Variants in KLC3 observed in about 807,000 individuals in gnomAD.
KLC3 encodes kinesin light chain 2.
A neutral mutation model predicts 62.9 loss-of-function variants in KLC3; 72 were observed. The ratio of observed to expected loss-of-function variants is 1.15; its 90% CI spans 0.95 to 1.39. The LOEUF (loss-of-function observed/expected upper bound fraction) is 1.39. Ranked by LOEUF, KLC3 falls within the 40% of genes most tolerant of loss-of-function variation. KLC3 has a pLI of 0.00. For synonymous variants in KLC3, 377 were observed against 300.5 expected, an observed-to-expected ratio of 1.25 and a Z score of -2.63; for missense variants, 848 against 691.6, an observed-to-expected ratio of 1.23 and a Z score of -2.54.
At chr19:45,341,936 G>T (rs1782757127) in intron 1 of KLC3, among the ~76,000 whole-genome samples, 1 of 152,018 alleles carries the variant, frequency 6.6e-6, no homozygotes, top group African/African-American at 2.4e-5. Context: ...GTGACAGGAT[G>T]GAAAAGGGGG....
intron 1 of KLC3, among the ~76,000 whole-genome samples, chr19:45,342,991 C>G (rs1393727482): frequency 6.6e-6 from 1 of 152,180 alleles, no homozygotes; most frequent in Non-Finnish European, 1.5e-5. Context: ...CGTGGCATCC[C>G]TCCACGCGTA....
Position 45,345,563 on chromosome 19 carries a change from C to G in KLC3, c.22C>G (p.Pro8Ala), listed in dbSNP as rs959227782. ...AGCAATGTCTGTGCAGGTAGCGGCT[C>G]CTGGAAGTGCAGGGCTGGGCCCAGA... is the stretch of plus-strand genomic sequence containing the variant. Reference protein sequence around the residue: MSVQVAAPGSAGLGPERL... With the variant: MSVQVAAAGSAGLGPERL... Residue 8 changes from proline to alanine, a missense_variant, in exon 2 of 13, where the codon CCT (proline) becomes GCT (alanine). Pro to Ala is a conservative substitution (Grantham distance 27). Transcript: ENST00000391946. 2 of 1,565,768 alleles carry G rather than the reference C, an allele frequency of 1.3e-6. No individual in the cohort carries two copies. Among genetic ancestry groups the G allele is most frequent in the African/African-American group, 2.7e-5 (2 of 73,882 alleles).
intron 1 of KLC3, among the ~76,000 whole-genome samples, chr19:45,341,221 CGTGT>C (rs750307403): frequency 1.6e-4 from 23 of 141,010 alleles, no homozygotes; most frequent in Middle Eastern, 7.7e-3. Context: ...TGTGGCTTTG[CGTGT>C]GTGTAAGAGA....
rs758846386 is a variant in KLC3, at chr19:45,350,964, G to C, written c.1390G>C (p.Ala464Pro). 1.2e-6 allele frequency: 2 copies of C among 1,614,132 alleles called. No individual in the cohort carries two copies. The highest frequency in any genetic ancestry group is 2.2e-5 in the South Asian group (2 of 91,090). The change falls in exon 12 of 13, where the codon GCC (alanine) becomes CCC (proline). Residue 464 changes from alanine to proline, a missense_variant. Physicochemically the swap from Ala to Pro is conservative, Grantham distance 27. Transcript: ENST00000391946. Reference sequence around the variant, plus strand: ...CTGCCCTCTTTGCAGAATGAAGAGAGCCATGTCACTCAACACACTGAACGT... The same window carrying C: ...CTGCCCTCTTTGCAGAATGAAGAGACCCATGTCACTCAACACACTGAACGT... ...AAAGAAGMKR[A>P]MSLNTLNVDA...
At chr19:45,351,130 T>A (rs140206614) in intron 12 of KLC3, 113 bp downstream of exon 12, 1 of 1,603,078 alleles carries the variant, frequency 6.2e-7, no homozygotes, top group African/African-American at 1.3e-5. Flanking sequence ...TGGGTTGGTG[T>A]CAGAAGAGAC....
At chr19:45,348,977 A>G (rs1189894967) in intron 7 of KLC3, 56 bp downstream of exon 7, 2 of 1,434,376 alleles carry the variant, frequency 1.4e-6, no homozygotes, top group East Asian at 2.5e-5. Flanking sequence ...AGCCCTCCCC[A>G]GGGATGCTGA....
chr19:45,341,504 G>C (rs2123171019), intron 1 of KLC3, among the ~76,000 whole-genome samples: 1 of 151,282 alleles, frequency 6.6e-6, no homozygotes, highest in African/African-American at 2.4e-5. Context: ...TGTAGGATTA[G>C]GTGTGATTGA....
rs894183102 is a variant in KLC3 at position 45,351,446 on chromosome 19, G to GC, written c.*96dup. The GC allele has an allele frequency of 5.7e-5, 90 of 1,582,512 alleles. No individual in the cohort carries two copies. The highest frequency in any genetic ancestry group is 1.8e-4 in the South Asian group (16 of 89,138). ...GTGAGAGGGGGTCTATCATCTCCTG[G>GC]CCCCCCCTTGCCTCTGGGTACCTGG... On this transcript the variant is annotated 3_prime_UTR_variant, in exon 13 of 13. Transcript: ENST00000391946.
At chr19:45,341,542 T>C (rs912171334) in intron 1 of KLC3, among the ~76,000 whole-genome samples, 2 of 149,882 alleles carry the variant, frequency 1.3e-5, no homozygotes, top group Non-Finnish European at 3.0e-5. Flanking sequence ...TGTGGTTGTC[T>C]TTCTGCCTGT....
intron 5 of KLC3, among the ~76,000 whole-genome samples, 195 bp downstream of exon 5, chr19:45,348,355 G>A (rs906088469): frequency 6.6e-6 from 1 of 151,406 alleles, no homozygotes; most frequent in East Asian, 1.9e-4. Context: ...GGGATCTGGG[G>A]GGGCCACTGA....
Position 45,343,564 on chromosome 19 carries a change from A to G in KLC3, c.-8-1970A>G, listed in dbSNP as rs574662914. ...TGGCCAGGCCAGTCTCAAACTCCTG[A>G]CCTCAACTGATCCACCCACCTCGGC... On this transcript the variant is annotated intron_variant, in intron 1 of 12. Transcript: ENST00000391946. Among the ~76,000 whole-genome samples, 21 of 152,182 alleles carry G rather than the reference A, an allele frequency of 1.4e-4. No individual in the cohort carries two copies. The East Asian group carries it at 4.1e-3, about 29-fold the overall frequency.
rs761513544 is a variant in KLC3, at chr19:45,350,331, T to C, written c.1144-10T>C. On this transcript the variant is annotated splice_polypyrimidine_tract_variant and intron_variant, in intron 8 of 12. Coordinates refer to ENST00000391946, the MANE Select transcript of KLC3 (RefSeq NM_177417.3). ...GTCCGAAAAGTTCCCAGACACTCCC[T>C]TCTCCGCAGGCCTCAGCCTACCTGA... 52 of 1,611,876 alleles carry C rather than the reference T, an allele frequency of 3.2e-5. No individual in the cohort carries two copies. In the East Asian group the frequency reaches 1.1e-3, roughly 35 times the overall value.
At chr19:45,346,867 TCCTCCTTAGAATCCCACAGTCCCCCAGAC>T (rs796908519) in intron 3 of KLC3, 93 bp downstream of exon 3, 27 of 1,210,878 alleles carry the variant, frequency 2.2e-5, no homozygotes, top group Non-Finnish European at 3.0e-5. Context: ...GTCCCCAAGA[TCCTCCTTAGAATCCCACAGTCCCCCAGAC>T]CCTCCTTAGA....
chr19:45,350,443 G>GCCCCTGT lies in KLC3; in HGVS notation c.1234+14_1234+20dup, dbSNP rs749237604. 6.2e-7 allele frequency: 1 copy of GCCCCTGT among 1,612,786 alleles called. No individual in the cohort carries two copies. The highest frequency in any genetic ancestry group is 1.7e-5 in the Admixed American group (1 of 59,932). The stretch of plus-strand genomic sequence containing the variant: ...ACCCGCCCCTCTCGGTGAGCCCCTA[G>GCCCCTGT]CCCCTGTCTGTCTTCCCTCCTGGTG... On this transcript the variant is annotated intron_variant, in intron 9 of 12. Coordinates refer to ENST00000391946, the MANE Select transcript of KLC3 (RefSeq NM_177417.3).
Position 45,351,472 on chromosome 19 carries a change from T to C in KLC3, c.*115T>C. 6.3e-7 allele frequency: 1 copy of C among 1,584,734 alleles called. No homozygotes were observed. The stretch of plus-strand genomic sequence containing the variant: ...CCCCCCCTTGCCTCTGGGTACCTGG[T>C]GGATAGCTGCCTTCTCCTGCGATTA... On this transcript the variant is annotated 3_prime_UTR_variant, in exon 13 of 13. Transcript: ENST00000391946.
intron 1 of KLC3, among the ~76,000 whole-genome samples, chr19:45,344,556 T>G (rs1971450864): frequency 6.6e-6 from 1 of 152,040 alleles, no homozygotes; most frequent in Non-Finnish European, 1.5e-5. Flanking sequence ...TGCGTGTGTG[T>G]GTCAAATTGT....
rs749838041 is a variant in KLC3, at chr19:45,346,735, G to C, written c.450G>C (p.Leu150=). 20 of 1,589,010 alleles carry C rather than the reference G, an allele frequency of 1.3e-5. 1 individual carries two copies. In the South Asian group the frequency reaches 1.8e-4, roughly 15 times the overall value. ...LEEEKRHLEF[L]GQLRQYDPPA... ...AGGAGAAGCGCCACCTGGAGTTCCT[G>C]GGGCAGCTGCGACAGTACGACCCAC... Residue 150 remains leucine (L), a synonymous_variant, in exon 3 of 13, where the codon CTG becomes CTC. Transcript: ENST00000391946.
chr19:45,349,879 CCT>C (rs1166387833), intron 8 of KLC3: 6 of 479,142 alleles, frequency 1.3e-5, no homozygotes, highest in Admixed American at 7.6e-5. Flanking sequence ...GGCCGGCTCC[CCT>C]CTTAGCCCGG....
Position 45,350,431 on chromosome 19 carries a change from G to C in KLC3, c.1234G>C (p.Gly412Arg), listed in dbSNP as rs373031387. ...CAAGGAGGACCTACCCGCCCCTCTCGGTGAGCCCCTAGCCCCTGTCTGTCT... is the reference window on the plus strand; with the variant it reads ...CAAGGAGGACCTACCCGCCCCTCTCCGTGAGCCCCTAGCCCCTGTCTGTCT... Reference protein sequence around the residue: ...LHKEDLPAPLGAPNTGTAGDA... With the variant: ...LHKEDLPAPLRAPNTGTAGDA... The change falls in exon 9 of 13, where the codon GGT (glycine) becomes CGT (arginine). Residue 412 changes from glycine (G) to arginine (R), a missense_variant and splice_region_variant. Gly to Arg is a moderately radical substitution (Grantham distance 125). Coordinates refer to ENST00000391946, the MANE Select transcript of KLC3 (RefSeq NM_177417.3). The C allele has an allele frequency of 9.3e-6, 15 of 1,612,278 alleles. No homozygotes were observed. Among genetic ancestry groups the C allele is most frequent in the African/African-American group, 1.3e-5 (1 of 74,780 alleles).
Sources: gnomAD v4.1 joint callset for allele counts (sites outside exome capture counted in the v4.1 genomes callset) on GRCh38, gnomAD v4.1.1 for gene constraint, MANE v1.5 for transcripts, NCBI Gene and HGNC (gene_info 2026-07-23, HGNC 2026-07-21) for gene names.